HIPK3: variants seen among roughly 807,000 people sequenced by gnomAD.
HIPK3 encodes homeodomain-interacting protein kinase 3.
HIPK3 carries 47 observed loss-of-function variants against 124.2 expected under a neutral mutation model. The ratio of observed to expected loss-of-function variants is 0.38; its 90% CI spans 0.30 to 0.48. HIPK3 has a LOEUF of 0.48. HIPK3 is among the 20% of genes least tolerant of loss of function. The pLI is 0.98. For synonymous variants in HIPK3, 482 were observed against 515.2 expected (o/e 0.94, Z 0.87); for missense variants, 1,286 against 1,454.3 (o/e 0.88, Z 1.88).
intron 1 of HIPK3, among the ~76,000 whole-genome samples, chr11:33,261,608 G>A (rs1850830347): frequency 6.6e-6 from 1 of 152,022 alleles, no homozygotes; most frequent in Admixed American, 6.6e-5. Context: ...TTAAAAAATC[G>A]AGTCTTCCCA....
At chr11:33,302,392 A>AGT (rs1400234159) in intron 2 of HIPK3, among the ~76,000 whole-genome samples, 1 of 130,806 alleles carries the variant, frequency 7.6e-6, no homozygotes. Flanking sequence ...GCTGGGGTGC[A>AGT]GTGGCACAAT....
chr11:33,268,204 C>T (rs1420065488), intron 1 of HIPK3, among the ~76,000 whole-genome samples: 1 of 152,066 alleles, frequency 6.6e-6, no homozygotes, highest in African/African-American at 2.4e-5. Context: ...AGTGAAACTC[C>T]ATCTCAAAAA....
At chr11:33,301,589 C>G (rs1057198009) in intron 2 of HIPK3, among the ~76,000 whole-genome samples, 2 of 150,338 alleles carry the variant, frequency 1.3e-5, no homozygotes, top group African/African-American at 4.9e-5. Flanking sequence ...TCAAGACCAG[C>G]CTGGGTAACA....
chr11:33,269,955 TG>T, intron 1 of HIPK3, among the ~76,000 whole-genome samples: 1 of 152,190 alleles, frequency 6.6e-6, no homozygotes, highest in Non-Finnish European at 1.5e-5. Flanking sequence ...TTGCCCTGTG[TG>T]TGTGTGTGTA....
chr11:33,346,217 C>T (rs950054060), intron 8 of HIPK3, among the ~76,000 whole-genome samples: 2 of 152,100 alleles, frequency 1.3e-5, no homozygotes, highest in Admixed American at 1.3e-4. Flanking sequence ...GCAGTGAAAA[C>T]AGCTATATTA....
Position 33,347,345 on chromosome 11 carries a change from T to A in HIPK3, c.1950T>A (p.Asn650Lys). The change falls in exon 9 of 17, where the codon AAT becomes AAA. Residue 650 changes from asparagine to lysine, a missense_variant. Physicochemically the swap from Asn to Lys is moderately conservative, Grantham distance 94. Coordinates refer to ENST00000303296, the MANE Select transcript of HIPK3 (RefSeq NM_005734.5). ...KPTSYSIRVD[N>K]TVPLVTQAPA... ...CCAGTTATTCAATAAGGGTAGATAA[T>A]ACAGTTCCACTTGTAACTCAGGCCC... 1.9e-6 allele frequency: 3 copies of A among 1,613,752 alleles called. No homozygotes were observed. The highest frequency in any genetic ancestry group is 2.5e-6 in the Non-Finnish European group (3 of 1,179,656).
chr11:33,278,155 AT>A (rs1396569351), intron 1 of HIPK3, among the ~76,000 whole-genome samples: 2 of 152,202 alleles, frequency 1.3e-5, no homozygotes, highest in African/African-American at 4.8e-5. Flanking sequence ...TTGATGATTA[AT>A]TTGTTAAAAA....
chr11:33,283,823 C>T lies in HIPK3; in HGVS notation c.-2-2590C>T, dbSNP rs192895781. The stretch of plus-strand genomic sequence containing the variant: ...TCCAGTGGCTAGGATTATAGGTGTG[C>T]ACCACCACACCTGGCTGATTTTTGT... On this transcript the variant is annotated intron_variant, in intron 1 of 16. Transcript: ENST00000303296. Among the ~76,000 whole-genome samples the T allele has an allele frequency of 1.3e-3, 200 of 152,042 alleles. 1 individual carries two copies. The highest frequency in any genetic ancestry group is 4.4e-3 in the African/African-American group (183 of 41,458).
chr11:33,338,396 G>A (rs1426464508), intron 4 of HIPK3, among the ~76,000 whole-genome samples: 1 of 152,170 alleles, frequency 6.6e-6, no homozygotes, highest in Non-Finnish European at 1.5e-5. Context: ...ACCACACGCA[G>A]CTGATTTTTG....
intron 1 of HIPK3, chr11:33,258,218 C>CCCCCCCCGG: frequency 1.2e-6 from 1 of 804,866 alleles, no homozygotes; most frequent in Non-Finnish European, 1.5e-6. Flanking sequence ...CCCCCTCCCC[C>CCCCCCCCGG]TGCCAAGGTT....
Position 33,356,487 on chromosome 11 carries a change from C to G in HIPK3, c.*2919C>G, listed in dbSNP as rs952028026. 6.6e-6 allele frequency: 1 copy of G among 151,734 alleles called. No individual in the cohort carries two copies. The highest frequency in any genetic ancestry group is 1.5e-5 in the Non-Finnish European group (1 of 67,868). 9.4% of individuals were successfully genotyped at this position (151,734 alleles called of 1,614,324 possible). A position where few individuals can be genotyped will look rare whatever the true frequency, so the allele number is the denominator to read the frequency against. On this transcript the variant is annotated 3_prime_UTR_variant, in exon 17 of 17. Transcript: ENST00000303296. ...TTAATTTGCAAAATGTTTTTTAAAT[C>G]AAATATCCTGATATTTAGTTGTTTT...
chr11:33,310,893 G>A (rs996688830), intron 2 of HIPK3, among the ~76,000 whole-genome samples: 1 of 152,154 alleles, frequency 6.6e-6, no homozygotes, highest in African/African-American at 2.4e-5. Flanking sequence ...GTTTGTCTTT[G>A]TTCTAGTAGT....
intron 1 of HIPK3, among the ~76,000 whole-genome samples, chr11:33,286,111 A>G (rs1246575659): frequency 6.6e-6 from 1 of 152,158 alleles, no homozygotes; most frequent in Non-Finnish European, 1.5e-5. Flanking sequence ...CATATTGGCC[A>G]TTTCAGCTTC....
chr11:33,264,817 T>G (rs1365726729), intron 1 of HIPK3, among the ~76,000 whole-genome samples: 1 of 152,206 alleles, frequency 6.6e-6, no homozygotes. Context: ...GGATATAACT[T>G]TGCTTATTAA....
intron 1 of HIPK3, among the ~76,000 whole-genome samples, chr11:33,264,332 A>G (rs1850901481): frequency 6.6e-6 from 1 of 152,188 alleles, no homozygotes; most frequent in South Asian, 2.1e-4. Flanking sequence ...CTGGTGAGAT[A>G]GAATTTCTTT....
intron 1 of HIPK3, among the ~76,000 whole-genome samples, chr11:33,285,577 AAATAT>A (rs759093088): frequency 0.041 from 2,261 of 55,338 alleles, 23 homozygotes; most frequent in African/African-American, 0.1. Context: ...CAAAAAAAAA[AAATAT>A]ATATATATAT....
rs373169840 is a variant in HIPK3 at position 33,348,235 on chromosome 11, T to C, written c.2369+7T>C. ...AAATAAATGCTTTCAGTTGGTAAGA[T>C]TGTCTTTATTGCCCTTTTGATTTAT... On this transcript the variant is annotated splice_region_variant and intron_variant, in intron 12 of 16. Coordinates refer to ENST00000303296, the MANE Select transcript of HIPK3 (RefSeq NM_005734.5). 4 of 1,610,832 alleles carry C rather than the reference T, an allele frequency of 2.5e-6. No individual in the cohort carries two copies. Among genetic ancestry groups the C allele is most frequent in the Non-Finnish European group, 2.5e-6 (3 of 1,177,482 alleles).
intron 2 of HIPK3, among the ~76,000 whole-genome samples, chr11:33,311,250 A>C (rs1415300761): frequency 6.6e-6 from 1 of 152,128 alleles, no homozygotes; most frequent in East Asian, 1.9e-4. Flanking sequence ...CAGTGGTAAG[A>C]TCACAGCTCA....
Position 33,340,954 on chromosome 11 carries a change from TTTTTC to T in HIPK3, c.1614-9_1614-5del. The T allele has an allele frequency of 6.6e-7, 1 of 1,505,904 alleles. No homozygotes were observed. The highest frequency in any genetic ancestry group is 9.1e-7 in the Non-Finnish European group (1 of 1,100,218). 93.3% of individuals were successfully genotyped at this position (1,505,904 alleles called of 1,614,324 possible). On this transcript the variant is annotated splice_polypyrimidine_tract_variant and intron_variant, in intron 6 of 16. Transcript: ENST00000303296. ...TAAAATAATACTGTAATACCTTCAC[TTTTTC>T]TTTTACAGTGTAAAGTCCTGTTTTC...
Sources: gnomAD v4.1 joint callset for allele counts (sites outside exome capture counted in the v4.1 genomes callset) on GRCh38, gnomAD v4.1.1 for gene constraint, MANE v1.5 for transcripts, NCBI Gene and HGNC (gene_info 2026-07-23, HGNC 2026-07-21) for gene names.